Variants in CIMAP1C observed in about 807,000 individuals in gnomAD.
CIMAP1C encodes ciliary microtubule associated protein 1C, also known as outer dense fiber of sperm tails 3 like 1.
chr15:75,724,287 C>A, the CIMAP1C span: 2 of 1,613,580 alleles, frequency 1.2e-6, no homozygotes, highest in Non-Finnish European at 1.7e-6. Flanking sequence ...GGAGGTCAAG[C>A]AGACCCCTGT....
chr15:75,725,110 C>T, the CIMAP1C span: 1 of 1,612,498 alleles, frequency 6.2e-7, no homozygotes, highest in Non-Finnish European at 8.5e-7. Flanking sequence ...CCTTACAGGT[C>T]CGGGGCCCGC....
chr15:75,725,109 T>C, the CIMAP1C span: 1 of 1,612,476 alleles, frequency 6.2e-7, no homozygotes, highest in Non-Finnish European at 8.5e-7. Flanking sequence ...TCCTTACAGG[T>C]CCGGGGCCCG....
At chr15:75,725,032 G>C in the CIMAP1C span, 7 of 908,262 alleles carry the variant, frequency 7.7e-6, no homozygotes, top group East Asian at 1.7e-4. Flanking sequence ...ATGTTCCCAT[G>C]GTGCGCTGTA....
chr15:75,726,115 G>C, the CIMAP1C span: 19 of 1,613,858 alleles, frequency 1.2e-5, no homozygotes, highest in Non-Finnish European at 1.4e-5. Context: ...AAAATAACTC[G>C]GTTTGGAATG....
At chr15:75,726,840 T>C in the CIMAP1C span, among the ~76,000 whole-genome samples, 3 of 152,162 alleles carry the variant, frequency 2.0e-5, no homozygotes, top group Non-Finnish European at 4.4e-5. Flanking sequence ...GGTCTCGAAC[T>C]CCTGATCTTG....
chr15:75,726,431 G>A, the CIMAP1C span, among the ~76,000 whole-genome samples: 1 of 152,200 alleles, frequency 6.6e-6, no homozygotes, highest in Admixed American at 6.5e-5. Flanking sequence ...ATGCGAACGA[G>A]CTCACAGACT....
the CIMAP1C span, chr15:75,724,132 T>A: frequency 4.0e-6 from 4 of 1,010,224 alleles, no homozygotes; most frequent in Non-Finnish European, 6.3e-6. Context: ...CAGGCAGGGA[T>A]ACTCTAGCCC....
the CIMAP1C span, chr15:75,726,156 C>T: frequency 1.1e-5 from 18 of 1,610,562 alleles, no homozygotes; most frequent in South Asian, 5.5e-5. Context: ...CATGGAGGAG[C>T]GCATCTCCAA....
At chr15:75,726,142 T>G in the CIMAP1C span, 1 of 1,586,932 alleles carries the variant, frequency 6.3e-7, no homozygotes, top group Non-Finnish European at 8.6e-7. Context: ...TGCCCGCAGG[T>G]CCCCATGGAG....
the CIMAP1C span, chr15:75,724,356 C>G: frequency 7.1e-7 from 1 of 1,411,402 alleles, no homozygotes; most frequent in African/African-American, 1.4e-5. Context: ...GCCCCCTCCC[C>G]TCTCTCCAGG....
the CIMAP1C span, chr15:75,725,355 G>A: frequency 1.5e-6 from 1 of 687,420 alleles, no homozygotes; most frequent in Non-Finnish European, 2.5e-6. Context: ...GAGGAAGCCA[G>A]CGGGGATTGA....
chr15:75,725,019 C>A, the CIMAP1C span: 28 of 824,796 alleles, frequency 3.4e-5, no homozygotes, highest in East Asian at 1.2e-4. Flanking sequence ...ACAAATACCC[C>A]CAATGTTCCC....
the CIMAP1C span, chr15:75,727,018 C>G: frequency 3.8e-6 from 6 of 1,586,552 alleles, no homozygotes; most frequent in South Asian, 3.5e-5. Context: ...GAGGTCTGTT[C>G]CCTGCTCTGA....
chr15:75,727,364 C>A, the CIMAP1C span: 1 of 1,614,184 alleles, frequency 6.2e-7, no homozygotes, highest in Non-Finnish European at 8.5e-7. Flanking sequence ...GAACCGCAGC[C>A]CTACTTACAG....
chr15:75,726,116 G>C, the CIMAP1C span: 2 of 1,612,398 alleles, frequency 1.2e-6, no homozygotes, highest in South Asian at 2.2e-5. Flanking sequence ...AAATAACTCG[G>C]TTTGGAATGT....
At chr15:75,726,677 G>A in the CIMAP1C span, among the ~76,000 whole-genome samples, 7 of 152,010 alleles carry the variant, frequency 4.6e-5, no homozygotes, top group Admixed American at 3.3e-4. Context: ...GTGCAGTGGC[G>A]TGATCTCGGC....
the CIMAP1C span, chr15:75,727,004 G>C: frequency 1.9e-6 from 3 of 1,566,060 alleles, no homozygotes; most frequent in Non-Finnish European, 1.7e-6. Flanking sequence ...GGCTAGCAGA[G>C]AATGAGGTCT....
At chr15:75,727,651 C>A in the CIMAP1C span, 1 of 1,068,214 alleles carries the variant, frequency 9.4e-7, no homozygotes. Context: ...TGCTGAGTGT[C>A]CGGCACACAG....
chr15:75,727,374 G>A, the CIMAP1C span: 1 of 1,613,966 alleles, frequency 6.2e-7, no homozygotes, highest in Non-Finnish European at 8.5e-7. Flanking sequence ...CCTACTTACA[G>A]CATGGCCAAG....
Sources: gnomAD v4.1 joint callset for allele counts (sites outside exome capture counted in the v4.1 genomes callset) on GRCh38, gnomAD v4.1.1 for gene constraint, MANE v1.5 for transcripts, NCBI Gene and HGNC (gene_info 2026-07-23, HGNC 2026-07-21) for gene names.